The following ITSN1 variants were observed in gnomAD, a reference collection of about 807,000 sequenced individuals.
ITSN1 encodes intersectin-1.
ITSN1 carries 58 observed loss-of-function variants against 239.8 expected under a neutral mutation model. That is an observed-to-expected ratio of 0.24 (90% CI 0.20 to 0.30). The LOEUF is 0.30. Ranked by LOEUF, ITSN1 falls within the 10% of genes least tolerant of loss-of-function variation. ITSN1 has a pLI of 1.00. For missense variants in ITSN1, 1,558 were observed against 2,103.3 expected (o/e 0.74, Z 5.07); for synonymous variants, 780 against 770.8 (o/e 1.01, Z -0.20).
chr21:33,657,909 C>T (rs1353152540), intron 1 of ITSN1, among the ~76,000 whole-genome samples: 1 of 152,072 alleles, frequency 6.6e-6, no homozygotes, highest in East Asian at 1.9e-4. Flanking sequence ...TTGCTTGAGC[C>T]CAGGAATTTG....
rs1986946162 is a variant in ITSN1, at chr21:33,899,011, A to C, written c.*10711A>C. 1.3e-5 allele frequency: 2 copies of C among 152,278 alleles called. No individual in the cohort carries two copies. Among genetic ancestry groups the C allele is most frequent in the African/African-American group, 4.8e-5 (2 of 41,468 alleles). 9.4% of individuals were successfully genotyped at this position (152,278 alleles called of 1,614,324 possible). ...TGTTCAGGCGCAGCCTTGGAAGGCC[A>C]CCTAAGGCCTGCCAGCAGAGGAGAT... On this transcript the variant is annotated 3_prime_UTR_variant, in exon 40 of 40. Coordinates refer to ENST00000381318, the MANE Select transcript of ITSN1 (RefSeq NM_003024.3).
intron 4 of ITSN1, among the ~76,000 whole-genome samples, chr21:33,734,612 G>C (rs973659427): frequency 2.6e-5 from 4 of 152,038 alleles, no homozygotes; most frequent in Admixed American, 2.6e-4. Context: ...TTAACATTCC[G>C]CTTCTAAATC....
Position 33,803,959 on chromosome 21 carries a change from G to A in ITSN1, c.2319+1515G>A, listed in dbSNP as rs77270879. Among the ~76,000 whole-genome samples the A allele has an allele frequency of 2.7e-3, 412 of 152,250 alleles. 2 individuals are homozygous for A. Among genetic ancestry groups the A allele is most frequent in the African/African-American group, 9.3e-3 (386 of 41,554 alleles). On this transcript the variant is annotated intron_variant, in intron 20 of 39. Coordinates refer to ENST00000381318, the MANE Select transcript of ITSN1 (RefSeq NM_003024.3). Reference sequence around the variant, plus strand: ...GGTGCCATTCAGCTGTGTTATCTTTGTGAGGATAACAGTCAATGCAAAAAG... The same window carrying A: ...GGTGCCATTCAGCTGTGTTATCTTTATGAGGATAACAGTCAATGCAAAAAG...
chr21:33,736,062 A>G lies in ITSN1; in HGVS notation c.346+858A>G, dbSNP rs1880311621. Among the ~76,000 whole-genome samples, 3 of 152,248 alleles carry G rather than the reference A, an allele frequency of 2.0e-5. No homozygotes were observed. In the South Asian group the frequency reaches 6.2e-4, roughly 31 times the overall value. The stretch of plus-strand genomic sequence containing the variant: ...TATTTTTCTTATAAGCTAATTGATT[A>G]ATTAGTTGACTGAGATCAGTAGTTC... On this transcript the variant is annotated intron_variant, in intron 5 of 39. Coordinates refer to ENST00000381318, the MANE Select transcript of ITSN1 (RefSeq NM_003024.3).
In ITSN1 at chr21:33,761,848, C is replaced by G. The variant is rs536720012; in HGVS notation, c.725-75C>G. On this transcript the variant is annotated intron_variant, in intron 8 of 39. Transcript: ENST00000381318. Reference sequence around the variant, plus strand: ...ATGAGGTCATGGAGTAGTCCACATACGCAGAACCCTGGTCCTCCTGTACAG... The same window carrying G: ...ATGAGGTCATGGAGTAGTCCACATAGGCAGAACCCTGGTCCTCCTGTACAG... 6 of 1,066,884 alleles carry G rather than the reference C, an allele frequency of 5.6e-6. No homozygotes were observed. The South Asian group carries it at 7.6e-5, about 13-fold the overall frequency. The allele number at this position is 1,066,884 out of a possible 1,614,324, so 66.1% of individuals were successfully genotyped here.
intron 1 of ITSN1, among the ~76,000 whole-genome samples, chr21:33,670,802 G>T (rs542062662): frequency 6.6e-6 from 1 of 152,324 alleles, no homozygotes; most frequent in East Asian, 1.9e-4. Flanking sequence ...CACTAGGTCA[G>T]GTGCACTGAG....
chr21:33,747,980 A>G (rs1441210416), intron 5 of ITSN1, among the ~76,000 whole-genome samples: 2 of 152,194 alleles, frequency 1.3e-5, no homozygotes, highest in South Asian at 2.1e-4. Flanking sequence ...TTTAAAAGAT[A>G]TAAGATTGTA....
rs2067451408 is a variant in ITSN1, at chr21:33,750,152, G to A, written c.356G>A (p.Gly119Asp). The A allele has an allele frequency of 6.2e-7, 1 of 1,613,888 alleles. No individual in the cohort carries two copies. Among genetic ancestry groups the A allele is most frequent in the Non-Finnish European group, 8.5e-7 (1 of 1,179,912 alleles). The change falls in exon 6 of 40, where the codon GGT becomes GAT. Residue 119 changes from glycine to aspartate, a missense_variant. By Grantham distance (94) the Gly-to-Asp change is moderately conservative (BLOSUM62 -1). This residue lies in a region of ITSN1 where 982 missense variants were observed against 1,209.9 expected (regional missense o/e 0.81). Coordinates refer to ENST00000381318, the MANE Select transcript of ITSN1 (RefSeq NM_003024.3). ...TGTTTTTTCTTCATAGGTATGGGAG[G>A]TATCGCCAGCATGCCACCGCTTACA... The part of the protein sequence containing the change: ...ISSAPAFGMG[G>D]IASMPPLTAV...
rs545543136 is a variant in ITSN1, at chr21:33,895,426, C to CGT, written c.*7128_*7129dup. ...CGTGGTGTGTGCATGCGTGTTTGTG[C>CGT]GTGCGTGTGCATGTATGTGTTTGTG... On this transcript the variant is annotated 3_prime_UTR_variant, in exon 40 of 40. Coordinates refer to ENST00000381318, the MANE Select transcript of ITSN1 (RefSeq NM_003024.3). The CGT allele has an allele frequency of 6.6e-6, 1 of 151,474 alleles. No individual in the cohort carries two copies. Among genetic ancestry groups the CGT allele is most frequent in the Admixed American group, 6.6e-5 (1 of 15,194 alleles). The allele number at this position is 151,474 out of a possible 1,614,324, so 9.4% of individuals were successfully genotyped here.
At chr21:33,838,213 G>A (rs1311445750) in intron 29 of ITSN1, 8 of 985,298 alleles carry the variant, frequency 8.1e-6, no homozygotes, top group Non-Finnish European at 9.6e-6. Context: ...GGCAGGGGGA[G>A]CCTCAAGCAC....
At chr21:33,812,541 C>G (rs2072984826) in intron 21 of ITSN1, among the ~76,000 whole-genome samples, 1 of 152,144 alleles carries the variant, frequency 6.6e-6, no homozygotes, top group South Asian at 2.1e-4. Context: ...CTTCATCACC[C>G]AGGCTGGAGT....
chr21:33,765,926 C>T lies in ITSN1; in HGVS notation c.840C>T (p.Ile280=). Residue 280 remains isoleucine, a synonymous_variant, in exon 10 of 40, where the codon ATC becomes ATT. Transcript: ENST00000381318. ...QDGKLTAEEF[I]LAMHLIDVAM... is the part of the protein sequence containing the mutation. ...GAAAACTTACAGCAGAGGAATTTAT[C>T]CTGGCAATGCACCTCATTGATGTAG... 3.7e-6 allele frequency: 6 copies of T among 1,614,078 alleles called. No homozygotes were observed. Among genetic ancestry groups the T allele is most frequent in the Non-Finnish European group, 5.1e-6 (6 of 1,179,940 alleles).
intron 1 of ITSN1, among the ~76,000 whole-genome samples, chr21:33,712,499 A>G (rs1272360646): frequency 1.3e-5 from 2 of 152,174 alleles, no homozygotes; most frequent in Non-Finnish European, 2.9e-5. Context: ...AGCCTAAGAC[A>G]AGCGGGAGTT....
At chr21:33,885,269 CA>C in intron 37 of ITSN1, 146 bp downstream of exon 37, 1 of 946,998 alleles carries the variant, frequency 1.1e-6, no homozygotes, top group Non-Finnish European at 1.6e-6. Context: ...GGGTGGGATG[CA>C]GATGGGGATG....
chr21:33,654,832 C>T (rs1394059203), intron 1 of ITSN1, among the ~76,000 whole-genome samples: 1 of 152,174 alleles, frequency 6.6e-6, no homozygotes, highest in African/African-American at 2.4e-5. Context: ...AGAACACTAC[C>T]TGACTCTCTG....
chr21:33,882,550 G>A lies in ITSN1; in HGVS notation c.4554+95G>A, dbSNP rs1292693136. 2 of 1,026,758 alleles carry A rather than the reference G, an allele frequency of 1.9e-6. No individual in the cohort carries two copies. The highest frequency in any genetic ancestry group is 1.4e-6 in the Non-Finnish European group (1 of 699,472). The allele number at this position is 1,026,758 out of a possible 1,614,324, so 63.6% of individuals were successfully genotyped here. On this transcript the variant is annotated intron_variant, in intron 35 of 39. Transcript: ENST00000381318. The surrounding 1 kb of genome is among the most constrained non-coding windows in gnomAD (Gnocchi z 4.5). ...AGGTAGAGTTTTAGCAGGGTCAGGG[G>A]CTGTGGCATGCAGGAGAAGGCCAGG...
intron 24 of ITSN1, among the ~76,000 whole-genome samples, chr21:33,820,996 T>C (rs900210089): frequency 2.2e-4 from 34 of 152,244 alleles, no homozygotes; most frequent in African/African-American, 8.0e-4. Flanking sequence ...CCGTGATAAC[T>C]ACCCCTTGAG....
intron 16 of ITSN1, among the ~76,000 whole-genome samples, chr21:33,787,009 C>T (rs1024547059): frequency 6.6e-6 from 1 of 152,208 alleles, no homozygotes; most frequent in Non-Finnish European, 1.5e-5. Flanking sequence ...CAGATGAGTG[C>T]TCAGTGTCTA....
At chr21:33,697,252 T>C (rs1354759337) in intron 1 of ITSN1, among the ~76,000 whole-genome samples, 1 of 149,722 alleles carries the variant, frequency 6.7e-6, no homozygotes, top group African/African-American at 2.5e-5. Flanking sequence ...TTTTTTTTTT[T>C]TGTATTTTTA....
Sources: gnomAD v4.1 joint callset for allele counts (sites outside exome capture counted in the v4.1 genomes callset) on GRCh38, gnomAD v4.1.1 for gene constraint, gnomAD v4.1.1 regional missense constraint, Gnocchi (gnomAD v3.1) non-coding constraint, MANE v1.5 for transcripts, NCBI Gene and HGNC (gene_info 2026-07-23, HGNC 2026-07-21) for gene names.